The following ATP11B variants were observed in gnomAD, a reference collection of about 807,000 sequenced individuals.
ATP11B encodes phospholipid-transporting ATPase IF.
Under a neutral mutation model 157.8 loss-of-function variants are expected in ATP11B, and 81 were observed. The ratio of observed to expected loss-of-function variants is 0.51; its 90% CI spans 0.43 to 0.62. The LOEUF (loss-of-function observed/expected upper bound fraction) is 0.62, where lower values mean the gene tolerates loss of function less well. ATP11B is among the 20% of genes least tolerant of loss of function. The probability of loss-of-function intolerance (pLI) is 0.00; values close to 1 mark genes in which losing one functional copy is unlikely to be tolerated. For synonymous variants in ATP11B, 451 were observed against 469.4 expected (o/e 0.96, Z 0.51); for missense variants, 1,165 against 1,402.2 (o/e 0.83, Z 2.70).
At chr3:182,856,293 T>A (rs569242952) in intron 10 of ATP11B, among the ~76,000 whole-genome samples, 1 of 152,258 alleles carries the variant, frequency 6.6e-6, no homozygotes, top group East Asian at 1.9e-4. Flanking sequence ...TAGTTTTAAA[T>A]TTAAATAAGG....
At chr3:182,840,991 C>T (rs1443004507) in intron 7 of ATP11B, among the ~76,000 whole-genome samples, 1 of 152,066 alleles carries the variant, frequency 6.6e-6, no homozygotes, top group African/African-American at 2.4e-5. Context: ...CCCCCATCCC[C>T]CATCCCCAAC....
At chr3:182,809,119 T>C (rs1031136322) in intron 1 of ATP11B, among the ~76,000 whole-genome samples, 5 of 152,070 alleles carry the variant, frequency 3.3e-5, no homozygotes, top group Non-Finnish European at 7.4e-5. Context: ...ATTAAAAAAA[T>C]AGAAGTCCAA....
chr3:182,812,852 C>T (rs1227810979), intron 1 of ATP11B, among the ~76,000 whole-genome samples: 5 of 152,198 alleles, frequency 3.3e-5, no homozygotes, highest in Non-Finnish European at 7.3e-5. Context: ...CAGCCTGAAA[C>T]TCTGTACTCA....
chr3:182,886,893 A>T (rs901895560), intron 23 of ATP11B, among the ~76,000 whole-genome samples: 1 of 152,166 alleles, frequency 6.6e-6, no homozygotes, highest in Non-Finnish European at 1.5e-5. Context: ...TTGGGCATTG[A>T]TTACCGATAA....
intron 9 of ATP11B, among the ~76,000 whole-genome samples, chr3:182,846,421 T>C (rs1226652339): frequency 6.6e-6 from 1 of 152,174 alleles, no homozygotes; most frequent in African/African-American, 2.4e-5. Context: ...TTTTGGCAGT[T>C]CTTCAATAAG....
At chr3:182,803,174 A>T (rs1716116272) in intron 1 of ATP11B, among the ~76,000 whole-genome samples, 1 of 152,158 alleles carries the variant, frequency 6.6e-6, no homozygotes, top group Non-Finnish European at 1.5e-5. Flanking sequence ...TTGCCAAAGT[A>T]TTTTCTAAAA....
chr3:182,812,093 T>A (rs1207763797), intron 1 of ATP11B, among the ~76,000 whole-genome samples: 1 of 152,232 alleles, frequency 6.6e-6, no homozygotes, highest in South Asian at 2.1e-4. Context: ...ACATCTTTTT[T>A]TACTTCAATA....
chr3:182,906,348 C>A (rs1457588563), intron 28 of ATP11B, among the ~76,000 whole-genome samples: 1 of 152,148 alleles, frequency 6.6e-6, no homozygotes, highest in Non-Finnish European at 1.5e-5. Flanking sequence ...TTATCTAAGT[C>A]ACCTCTTAAG....
intron 25 of ATP11B, among the ~76,000 whole-genome samples, chr3:182,894,550 C>A (rs1254513319): frequency 6.6e-6 from 1 of 152,174 alleles, no homozygotes; most frequent in Non-Finnish European, 1.5e-5. Flanking sequence ...CCTACCAGCT[C>A]AAGGGCAAGT....
intron 23 of ATP11B, 87 bp downstream of exon 23, chr3:182,886,097 T>G: frequency 1.2e-6 from 1 of 860,244 alleles, no homozygotes; most frequent in Non-Finnish European, 1.7e-6. Flanking sequence ...TTGAAGGGAC[T>G]TTTTTCATTT....
At chr3:182,808,456 T>G in intron 1 of ATP11B, among the ~76,000 whole-genome samples, 1 of 152,146 alleles carries the variant, frequency 6.6e-6, no homozygotes, top group East Asian at 1.9e-4. Flanking sequence ...CATATATTTG[T>G]AGTATTTTTT....
Position 182,793,597 on chromosome 3 carries a change from G to A in ATP11B, c.-163G>A. ...GCCTGTAGGACTCGGGGCCGACGCC[G>A]CGGGATGGGGACGCGGCGCGGGGAG... On this transcript the variant is annotated 5_prime_UTR_variant, in exon 1 of 30. Coordinates refer to ENST00000323116, the MANE Select transcript of ATP11B (RefSeq NM_014616.3). 1 of 393,626 alleles carries A rather than the reference G, an allele frequency of 2.5e-6. No homozygotes were observed. The highest frequency in any genetic ancestry group is 4.4e-6 in the Non-Finnish European group (1 of 226,270). 24.4% of individuals were successfully genotyped at this position (393,626 alleles called of 1,614,324 possible).
intron 17 of ATP11B, among the ~76,000 whole-genome samples, chr3:182,869,644 A>G (rs1721503459): frequency 6.6e-6 from 1 of 152,158 alleles, no homozygotes; most frequent in Non-Finnish European, 1.5e-5. Flanking sequence ...CCTTATACAC[A>G]TATTGCTGGT....
intron 1 of ATP11B, among the ~76,000 whole-genome samples, chr3:182,809,305 A>G (rs1352703866): frequency 6.6e-6 from 1 of 151,702 alleles, no homozygotes; most frequent in Non-Finnish European, 1.5e-5. Context: ...CTGGAGTGCA[A>G]TGGTGCCATC....
chr3:182,902,239 A>G (rs1409091854), intron 28 of ATP11B, among the ~76,000 whole-genome samples: 1 of 152,232 alleles, frequency 6.6e-6, no homozygotes, highest in Non-Finnish European at 1.5e-5. Context: ...AGCTGTCAGC[A>G]TGTTTTCTGA....
chr3:182,831,906 T>C (rs1010076039), intron 4 of ATP11B, among the ~76,000 whole-genome samples: 2 of 152,190 alleles, frequency 1.3e-5, no homozygotes, highest in South Asian at 4.1e-4. Flanking sequence ...ACCTGCTTAT[T>C]TCCCATTAGC....
chr3:182,867,557 C>A, intron 15 of ATP11B, 113 bp downstream of exon 15: 23 of 431,230 alleles, frequency 5.3e-5, no homozygotes, highest in East Asian at 8.1e-5. Flanking sequence ...TTCTGTTTTT[C>A]TACAGCCCAC....
At chr3:182,913,780 A>C (rs937706848) in intron 28 of ATP11B, 81 bp from the exon 29 acceptor site, 3 of 1,601,998 alleles carry the variant, frequency 1.9e-6, no homozygotes, top group Non-Finnish European at 2.6e-6. Flanking sequence ...TTTGATTTGA[A>C]AGTGCTTGTT....
chr3:182,799,541 C>T (rs1715850352), intron 1 of ATP11B, among the ~76,000 whole-genome samples: 1 of 152,166 alleles, frequency 6.6e-6, no homozygotes, highest in African/African-American at 2.4e-5. Context: ...TCCGGAAGTG[C>T]TGGGATTACA....
Sources: gnomAD v4.1 joint callset for allele counts (sites outside exome capture counted in the v4.1 genomes callset) on GRCh38, gnomAD v4.1.1 for gene constraint, MANE v1.5 for transcripts, NCBI Gene and HGNC (gene_info 2026-07-23, HGNC 2026-07-21) for gene names.